RABGGTA: variants seen among roughly 807,000 people sequenced by gnomAD.
The protein encoded by RABGGTA is geranylgeranyl transferase type-2 subunit alpha.
A neutral mutation model predicts 83.3 loss-of-function variants in RABGGTA; 69 were observed. That is an observed-to-expected ratio of 0.83 (90% CI 0.68 to 1.01). The LOEUF is 1.01. Among genes scored for constraint, RABGGTA ranks in the 50% least tolerant of loss-of-function variants. The pLI, the probability that RABGGTA is intolerant of heterozygous loss-of-function variation, is 0.00. For synonymous variants in RABGGTA, 310 were observed against 299.8 expected (o/e 1.03, Z -0.35); for missense variants, 681 against 712.7 (o/e 0.96, Z 0.51).
chr14:24,270,474 G>A lies in RABGGTA; in HGVS notation c.115-16C>T, dbSNP rs755641791. 1 of 1,613,886 alleles carries A rather than the reference G, an allele frequency of 6.2e-7. No homozygotes were observed. The highest frequency in any genetic ancestry group is 8.5e-7 in the Non-Finnish European group (1 of 1,179,774). On this transcript the variant is annotated splice_polypyrimidine_tract_variant and intron_variant, in intron 3 of 16. Coordinates refer to ENST00000216840, the MANE Select transcript of RABGGTA (RefSeq NM_182836.3). ...CAGCCTGGCGCTAAGAAGATAGGTG[G>A]CAGGGTTAGAGATCATATAATTTTC...
chr14:24,266,400 T>C (rs2040873550), intron 16 of RABGGTA, 30 bp downstream of exon 16: 1 of 1,608,576 alleles, frequency 6.2e-7, no homozygotes. Context: ...CTTTACCCAC[T>C]GTCTGAAAGG....
Position 24,270,858 on chromosome 14 carries a change from G to A in RABGGTA, c.93C>T (p.Ala31=). 1 of 1,613,944 alleles carries A rather than the reference G, an allele frequency of 6.2e-7. No homozygotes were observed. Among genetic ancestry groups the A allele is most frequent in the Non-Finnish European group, 8.5e-7 (1 of 1,179,850 alleles). Residue 31 remains alanine (A), a synonymous_variant, in exon 3 of 17, where the codon GCC becomes GCT. Transcript: ENST00000216840. ...REQKLKLYQS[A]TQAVFQKRQA... ...CCACCTTCTGGAATACGGCCTGGGT[G>A]GCTGACTGGTATAGCTTCAGCTTCT... is the stretch of plus-strand genomic sequence containing the variant.
At chr14:24,267,574 A>T in intron 14 of RABGGTA, 86 bp downstream of exon 14, 1 of 1,048,182 alleles carries the variant, frequency 9.5e-7, no homozygotes, top group Non-Finnish European at 1.4e-6. Flanking sequence ...AAGTCCACAA[A>T]GGCACCTGAG....
In RABGGTA at chr14:24,268,936, G is replaced by A. The variant is rs1344158384; in HGVS notation, c.773C>T (p.Thr258Ile). The A allele has an allele frequency of 6.3e-7, 1 of 1,588,176 alleles. No homozygotes were observed. Among genetic ancestry groups the A allele is most frequent in the African/African-American group, 1.3e-5 (1 of 74,576 alleles). ...LHVSRDEACL[T>I]VSFSRPLLVG... ...TAAGAGGGGCCGAGAGAAGGAGACA[G>A]TCAGACAGGCCTCGTCCCGGCTCAC... The change falls in exon 8 of 17, where the codon ACT becomes ATT. Residue 258 changes from threonine (T) to isoleucine (I), a missense_variant. Thr to Ile is a moderately conservative substitution (Grantham distance 89). Transcript: ENST00000216840.
chr14:24,265,856 T>A (rs1481982881), intron 16 of RABGGTA, 93 bp from the exon 17 acceptor site: 1 of 1,463,370 alleles, frequency 6.8e-7, no homozygotes, highest in Admixed American at 2.5e-5. Context: ...TGCCTGGAAG[T>A]CTGTTTGATG....
At chr14:24,269,780 C>CTT (rs1318904223) in intron 5 of RABGGTA, 86 bp from the exon 6 acceptor site, 1 of 1,479,830 alleles carries the variant, frequency 6.8e-7, no homozygotes, top group Admixed American at 1.9e-5. Flanking sequence ...TCAGGAACCC[C>CTT]TAGAAACACC....
chr14:24,268,715 C>T lies in RABGGTA; in HGVS notation c.900+10G>A. The T allele has an allele frequency of 1.3e-6, 2 of 1,583,430 alleles. No homozygotes were observed. Among genetic ancestry groups the T allele is most frequent in the Non-Finnish European group, 8.6e-7 (1 of 1,158,518 alleles). Reference sequence around the variant, plus strand: ...AGACCCCAACTTCTGCCCCACCAATCCTGGGATACCCAGACATGGCTGGGC... The same window carrying T: ...AGACCCCAACTTCTGCCCCACCAATTCTGGGATACCCAGACATGGCTGGGC... On this transcript the variant is annotated intron_variant, in intron 9 of 16. Coordinates refer to ENST00000216840, the MANE Select transcript of RABGGTA (RefSeq NM_182836.3).
At chr14:24,268,451 A>C (rs1321335002) in intron 10 of RABGGTA, 31 bp from the exon 11 acceptor site, 2 of 1,594,762 alleles carry the variant, frequency 1.3e-6, no homozygotes, top group South Asian at 2.2e-5. Flanking sequence ...TGGAGGGTGC[A>C]CCCTTGAGAG....
At chr14:24,269,469 G>A (rs2040916676) in intron 6 of RABGGTA, 22 bp downstream of exon 6, 1 of 1,541,908 alleles carries the variant, frequency 6.5e-7, no homozygotes, top group Non-Finnish European at 9.0e-7. Flanking sequence ...GAGTCCTCCT[G>A]AGCATCCCTG....
chr14:24,269,081 T>C lies in RABGGTA; in HGVS notation c.714A>G (p.Arg238=), dbSNP rs750976631. ...AWFYHRWLLG[R]ADPQDALRCL... is the part of the protein sequence containing the mutation. ...CCAGCCCCTTTCCTCATTGCTCACC[T>C]CGGCCTAGGAGCCAACGGTGATAAA... is the stretch of plus-strand genomic sequence containing the variant. Residue 238 remains arginine, a splice_region_variant and synonymous_variant, in exon 7 of 17, where the codon CGA becomes CGG. Transcript: ENST00000216840. The C allele has an allele frequency of 6.2e-7, 1 of 1,606,754 alleles. No homozygotes were observed. Among genetic ancestry groups the C allele is most frequent in the Admixed American group, 1.7e-5 (1 of 58,860 alleles).
Position 24,269,919 on chromosome 14 carries a change from G to A in RABGGTA, c.427+34C>T, listed in dbSNP as rs1194148245. ...CCCCAGTACCAGAATGTGGGCAGGT[G>A]AGGGCTGTGGGGACAGAATCTGCAG... On this transcript the variant is annotated intron_variant, in intron 5 of 16. Transcript: ENST00000216840. 2.9e-5 allele frequency: 47 copies of A among 1,606,072 alleles called. No homozygotes were observed. In the East Asian group the frequency reaches 1.0e-3, roughly 34 times the overall value.
chr14:24,269,628 G>A lies in RABGGTA; in HGVS notation c.494C>T (p.Ala165Val), dbSNP rs1245131147. Reference protein sequence around the residue: ...QAAVPPAEELAFTDSLITRNF... With the variant: ...QAAVPPAEELVFTDSLITRNF... ...TCGGGTGATGAGGCTGTCAGTGAAG[G>A]CTAGCTCTTCTGCAGGGGGCACGGC... Residue 165 changes from alanine (A) to valine (V), a missense_variant, in exon 6 of 17, where the codon GCC becomes GTC. Coordinates refer to ENST00000216840, the MANE Select transcript of RABGGTA (RefSeq NM_182836.3). The A allele has an allele frequency of 8.7e-6, 14 of 1,613,896 alleles. No individual in the cohort carries two copies. Among genetic ancestry groups the A allele is most frequent in the Non-Finnish European group, 1.2e-5 (14 of 1,179,868 alleles).
In RABGGTA at chr14:24,271,182, G is replaced by A. The variant is rs2040945440; in HGVS notation, c.-54-13C>T. Reference sequence around the variant, plus strand: ...TAGCCCTTGAAGTCTGAGGAGAGAAGTGTCAATCACGTAGCCCCGCCCCTA... The same window carrying A: ...TAGCCCTTGAAGTCTGAGGAGAGAAATGTCAATCACGTAGCCCCGCCCCTA... On this transcript the variant is annotated splice_polypyrimidine_tract_variant and intron_variant, in intron 1 of 16. Coordinates refer to ENST00000216840, the MANE Select transcript of RABGGTA (RefSeq NM_182836.3). 1 of 1,485,350 alleles carries A rather than the reference G, an allele frequency of 6.7e-7. No individual in the cohort carries two copies. The highest frequency in any genetic ancestry group is 9.0e-7 in the Non-Finnish European group (1 of 1,115,818). The allele number at this position is 1,485,350 out of a possible 1,614,324, so 92.0% of individuals were successfully genotyped here.
chr14:24,269,080 C>A lies in RABGGTA; in HGVS notation c.715G>T (p.Ala239Ser). ...WFYHRWLLGR[A>S]DPQDALRCLH... ...CCCAGCCCCTTTCCTCATTGCTCACCTCGGCCTAGGAGCCAACGGTGATAA... is the reference window on the plus strand; with the variant it reads ...CCCAGCCCCTTTCCTCATTGCTCACATCGGCCTAGGAGCCAACGGTGATAA... The change falls in exon 7 of 17, where the codon GCT becomes TCT. Residue 239 changes from alanine to serine, a missense_variant and splice_region_variant. Transcript: ENST00000216840. 6.2e-7 allele frequency: 1 copy of A among 1,606,432 alleles called. No homozygotes were observed. Among genetic ancestry groups the A allele is most frequent in the Non-Finnish European group, 8.5e-7 (1 of 1,176,332 alleles).
chr14:24,270,583 G>C (rs1295660197), intron 3 of RABGGTA, 125 bp from the exon 4 acceptor site: 4 of 1,298,162 alleles, frequency 3.1e-6, no homozygotes, highest in Non-Finnish European at 2.1e-6. Context: ...TATGAACCAT[G>C]CTTTATGGCC....
chr14:24,268,161 A>C lies in RABGGTA; in HGVS notation c.1096T>G (p.Ser366Ala). ...LSVEKSTVLQSELESCKELQE... is the reference protein window; with the variant it reads ...LSVEKSTVLQAELESCKELQE... ...AGCTCCTTACAGGATTCCAGCTCAG[A>C]CTGCAGCACTGTGGACTTCTCCACT... The change falls in exon 12 of 17, where the codon TCT (serine) becomes GCT (alanine). Residue 366 changes from serine (S) to alanine (A), a missense_variant. By Grantham distance (99) the Ser-to-Ala change is moderately conservative. Transcript: ENST00000216840. The C allele has an allele frequency of 6.2e-7, 1 of 1,606,690 alleles. No homozygotes were observed. The highest frequency in any genetic ancestry group is 8.5e-7 in the Non-Finnish European group (1 of 1,176,176).
intron 11 of RABGGTA, 65 bp from the exon 12 acceptor site, chr14:24,268,263 A>G: frequency 6.2e-7 from 1 of 1,607,084 alleles, no homozygotes; most frequent in South Asian, 1.1e-5. Context: ...CAACATTCCC[A>G]GTATCTAGAC....
At chr14:24,269,239 T>C in intron 6 of RABGGTA, 76 bp from the exon 7 acceptor site, 1 of 1,357,950 alleles carries the variant, frequency 7.4e-7, no homozygotes, top group South Asian at 1.3e-5. Context: ...CCCTACCCTC[T>C]CCTTGGAGTA....
chr14:24,271,589 G>C lies in RABGGTA; in HGVS notation c.-157C>G, dbSNP rs2040956404. 1 of 155,308 alleles carries C rather than the reference G, an allele frequency of 6.4e-6. No individual in the cohort carries two copies. Among genetic ancestry groups the C allele is most frequent in the African/African-American group, 2.4e-5 (1 of 41,584 alleles). The allele number at this position is 155,308 out of a possible 1,614,324, so 9.6% of individuals were successfully genotyped here. A position where few individuals can be genotyped will look rare whatever the true frequency, so the allele number is the denominator to read the frequency against. On this transcript the variant is annotated 5_prime_UTR_variant, in exon 1 of 17. Transcript: ENST00000216840. ...ACGTCCCGGCTCATCGAAACGCAGC[G>C]CACTCTGCAGGCTTGGGGAGGGACT...
Sources: gnomAD v4.1 joint callset for allele counts on GRCh38, gnomAD v4.1.1 for gene constraint, MANE v1.5 for transcripts, NCBI Gene and HGNC (gene_info 2026-07-23, HGNC 2026-07-21) for gene names.